Variants in GPC5 observed in about 807,000 individuals in gnomAD.
The protein encoded by GPC5 is glypican-5.
A neutral mutation model predicts 53.9 loss-of-function variants in GPC5; 47 were observed. The ratio of observed to expected loss-of-function variants is 0.87; its 90% confidence interval spans 0.69 to 1.11. The LOEUF (loss-of-function observed/expected upper bound fraction) is 1.11. Among genes scored for constraint, GPC5 ranks in the 50% most tolerant of loss-of-function variants. The pLI is 0.00. For synonymous variants in GPC5, 286 were observed against 263.3 expected, an observed-to-expected ratio of 1.09 and a Z score of -0.84; for missense variants, 748 against 713.1, an observed-to-expected ratio of 1.05 and a Z score of -0.56.
rs149138924 is a variant in GPC5 at position 92,846,654 on chromosome 13, TGA to T, written c.1562-19622_1562-19621del. Among the ~76,000 whole-genome samples, 571 of 152,248 alleles carry T rather than the reference TGA, an allele frequency of 3.8e-3. 5 individuals carry two copies. The highest frequency in any genetic ancestry group is 0.013 in the African/African-American group (536 of 41,548). On this transcript the variant is annotated intron_variant, in intron 7 of 7. Transcript: ENST00000377067. ...TTTGCTAATATTAGTGAGAGTGAAA[TGA>T]GAGAGTTTTATCATGTGCATAATGT...
At chr13:91,728,896 A>T (rs1463163613) in intron 4 of GPC5, among the ~76,000 whole-genome samples, 1 of 152,166 alleles carries the variant, frequency 6.6e-6, no homozygotes, top group Non-Finnish European at 1.5e-5. Context: ...GATTTCCATA[A>T]TATAACATGG....
At chr13:92,265,885 G>C (rs886581996) in intron 7 of GPC5, among the ~76,000 whole-genome samples, 7 of 152,194 alleles carry the variant, frequency 4.6e-5, no homozygotes, top group African/African-American at 1.7e-4. Context: ...TCAAGATCAA[G>C]GGGCCAGCAC....
chr13:92,707,903 G>T (rs1051239637), intron 7 of GPC5, among the ~76,000 whole-genome samples: 1 of 152,066 alleles, frequency 6.6e-6, no homozygotes, highest in Non-Finnish European at 1.5e-5. Context: ...GAGACCATGA[G>T]CAAAGAAATG....
chr13:92,581,890 CT>C (rs1160149841), intron 7 of GPC5, among the ~76,000 whole-genome samples: 2 of 151,942 alleles, frequency 1.3e-5, no homozygotes, highest in African/African-American at 4.8e-5. Flanking sequence ...TATCTTTTGC[CT>C]AATTTTTATC....
At chr13:92,713,438 A>AT (rs1888212692) in intron 7 of GPC5, among the ~76,000 whole-genome samples, 1 of 150,832 alleles carries the variant, frequency 6.6e-6, no homozygotes, top group Non-Finnish European at 1.5e-5. Context: ...TAAAAAAAAA[A>AT]AAAAAAAAAT....
At chr13:92,032,775 A>G (rs2040862863) in intron 6 of GPC5, among the ~76,000 whole-genome samples, 1 of 152,198 alleles carries the variant, frequency 6.6e-6, no homozygotes, top group African/African-American at 2.4e-5. Flanking sequence ...TAACATGGCC[A>G]AGGAGGCCCA....
At chr13:91,775,439 C>G (rs775245329) in intron 5 of GPC5, among the ~76,000 whole-genome samples, 42 of 152,232 alleles carry the variant, frequency 2.8e-4, no homozygotes, top group South Asian at 4.1e-4. Context: ...TAATTCCCCA[C>G]GTAGATGATT....
chr13:92,709,230 T>G (rs76465374), intron 7 of GPC5, among the ~76,000 whole-genome samples: 14 of 150,572 alleles, frequency 9.3e-5, no homozygotes, highest in African/African-American at 3.2e-4. Context: ...TTTTTTTTTT[T>G]GGATTTTTAG....
chr13:92,338,907 G>A (rs939598961), intron 7 of GPC5, among the ~76,000 whole-genome samples: 2 of 152,082 alleles, frequency 1.3e-5, no homozygotes, highest in African/African-American at 4.8e-5. Context: ...ATTATGATAT[G>A]TCAATATAGA....
chr13:92,509,879 A>G (rs1173395590), intron 7 of GPC5: 1 of 152,206 alleles, frequency 6.6e-6, no homozygotes, highest in Non-Finnish European at 1.5e-5. Context: ...GCTAGAAAAT[A>G]TAATACTTAG....
At chr13:92,582,187 T>C (rs1883394794) in intron 7 of GPC5, among the ~76,000 whole-genome samples, 1 of 152,138 alleles carries the variant, frequency 6.6e-6, no homozygotes, top group Admixed American at 6.5e-5. Context: ...GGTATTAGGG[T>C]TAAGTCTTTA....
chr13:91,819,394 C>T (rs1594592655), intron 5 of GPC5, among the ~76,000 whole-genome samples: 1 of 151,728 alleles, frequency 6.6e-6, no homozygotes, highest in South Asian at 2.1e-4. Flanking sequence ...CTCCTGACCT[C>T]GTGATTCGTC....
chr13:92,020,256 A>C (rs1263990091), intron 6 of GPC5, among the ~76,000 whole-genome samples: 1 of 152,110 alleles, frequency 6.6e-6, no homozygotes, highest in Admixed American at 6.6e-5. Flanking sequence ...GCTGATTACC[A>C]AGCTTAATTC....
At chr13:91,768,189 A>G (rs1342379946) in intron 5 of GPC5, among the ~76,000 whole-genome samples, 1 of 152,184 alleles carries the variant, frequency 6.6e-6, no homozygotes, top group East Asian at 1.9e-4. Flanking sequence ...GCACCTATTC[A>G]TAATATATTT....
At chr13:92,241,869 T>C (rs1200983927) in intron 7 of GPC5, 1 of 152,178 alleles carries the variant, frequency 6.6e-6, no homozygotes. Context: ...TGGCAACTAA[T>C]ACTTTGTGAA....
intron 6 of GPC5, among the ~76,000 whole-genome samples, chr13:92,083,419 A>G (rs1419199453): frequency 6.6e-6 from 1 of 152,186 alleles, no homozygotes; most frequent in Non-Finnish European, 1.5e-5. Flanking sequence ...AAAGAAAAAA[A>G]CATATATAGA....
At chr13:91,746,747 T>A (rs1030701443) in intron 4 of GPC5, among the ~76,000 whole-genome samples, 1 of 152,212 alleles carries the variant, frequency 6.6e-6, no homozygotes, top group Non-Finnish European at 1.5e-5. Flanking sequence ...ATAAATTTAC[T>A]TAATGAAATA....
At chr13:92,392,180 A>G (rs960084724) in intron 7 of GPC5, among the ~76,000 whole-genome samples, 3 of 152,174 alleles carry the variant, frequency 2.0e-5, no homozygotes, top group Non-Finnish European at 4.4e-5. Context: ...AATCCCAGAA[A>G]ATAACTTACC....
chr13:92,522,299 C>T (rs1481985974), intron 7 of GPC5, among the ~76,000 whole-genome samples: 1 of 152,112 alleles, frequency 6.6e-6, no homozygotes, highest in African/African-American at 2.4e-5. Flanking sequence ...AATCATGCTG[C>T]TATAAAAACA....
Sources: gnomAD v4.1 joint callset for allele counts (sites outside exome capture counted in the v4.1 genomes callset) on GRCh38, gnomAD v4.1.1 for gene constraint, MANE v1.5 for transcripts, NCBI Gene and HGNC (gene_info 2026-07-23, HGNC 2026-07-21) for gene names.